POLR3B: variants seen among roughly 807,000 people sequenced by gnomAD.
POLR3B encodes DNA-directed RNA polymerase III subunit RPC2.
POLR3B carries 96 observed loss-of-function variants against 147.4 expected under a neutral mutation model. That is an observed-to-expected ratio of 0.65 (90% CI 0.55 to 0.77). The LOEUF is 0.77. Ranked by LOEUF, POLR3B falls within the 30% of genes least tolerant of loss-of-function variation. The probability of loss-of-function intolerance (pLI) is 0.00; values close to 1 mark genes in which losing one functional copy is unlikely to be tolerated. For synonymous variants in POLR3B, 461 were observed against 485.9 expected, an observed-to-expected ratio of 0.95 and a Z score of 0.67; for missense variants, 1,036 against 1,413.5, an observed-to-expected ratio of 0.73 and a Z score of 4.28.
Position 106,463,485 on chromosome 12 carries a change from G to A in POLR3B, c.2578G>A (p.Gly860Arg), listed in dbSNP as rs1592755590. The A allele has an allele frequency of 1.2e-6, 2 of 1,613,428 alleles. No homozygotes were observed. Among genetic ancestry groups the A allele is most frequent in the East Asian group, 2.2e-5 (1 of 44,842 alleles). ...ACTTTCTCTTAACACCAGCTACAAA[G>A]GAGCAACAGACTCATATATTGAAAA... is the stretch of plus-strand genomic sequence containing the variant. Reference protein sequence around the residue: ...QYKDVPITYKGATDSYIEKVM... With the variant: ...QYKDVPITYKRATDSYIEKVM... Residue 860 changes from glycine (G) to arginine (R), a missense_variant, in exon 23 of 28, where the codon GGA becomes AGA. Physicochemically the swap from Gly to Arg is moderately radical, Grantham distance 125 (BLOSUM62 -2). Transcript: ENST00000228347.
At chr12:106,410,647 T>C (rs573445231) in intron 11 of POLR3B, 179 bp from the exon 12 acceptor site, 8 of 636,164 alleles carry the variant, frequency 1.3e-5, no homozygotes, top group Non-Finnish European at 2.2e-5. Context: ...AGGACAATGA[T>C]GAAAAGTCAT....
chr12:106,379,023 C>T (rs1480094206), intron 8 of POLR3B, among the ~76,000 whole-genome samples: 3 of 152,208 alleles, frequency 2.0e-5, no homozygotes, highest in Non-Finnish European at 4.4e-5. Flanking sequence ...AACTGATTAA[C>T]TCAGAATTTC....
intron 23 of POLR3B, among the ~76,000 whole-genome samples, chr12:106,487,770 A>G (rs1168629901): frequency 6.6e-6 from 1 of 152,216 alleles, no homozygotes. Context: ...AAACAAACAT[A>G]AAGAGGAAGC....
chr12:106,382,309 A>G (rs571196668), intron 9 of POLR3B, among the ~76,000 whole-genome samples: 2 of 152,332 alleles, frequency 1.3e-5, no homozygotes, highest in Admixed American at 1.3e-4. Context: ...TCCATCTTCC[A>G]TAACTTCTTC....
At chr12:106,367,991 ATC>A (rs956979700) in intron 4 of POLR3B, among the ~76,000 whole-genome samples, 4 of 151,900 alleles carry the variant, frequency 2.6e-5, no homozygotes, top group Admixed American at 1.3e-4. Flanking sequence ...CCCCTCACAT[ATC>A]TCTCTATATT....
intron 25 of POLR3B, among the ~76,000 whole-genome samples, chr12:106,497,460 C>T (rs981721154): frequency 6.6e-6 from 1 of 151,894 alleles, no homozygotes; most frequent in African/African-American, 2.4e-5. Flanking sequence ...AGTGAGACCT[C>T]GTCTCAAAAA....
intron 18 of POLR3B, among the ~76,000 whole-genome samples, chr12:106,440,541 C>T (rs777664058): frequency 6.6e-6 from 1 of 152,176 alleles, no homozygotes; most frequent in South Asian, 2.1e-4. Context: ...ACACTCCAGG[C>T]GTGCCTCTGC....
At chr12:106,464,382 A>T (rs1397100477) in intron 23 of POLR3B, among the ~76,000 whole-genome samples, 1 of 152,168 alleles carries the variant, frequency 6.6e-6, no homozygotes, top group East Asian at 1.9e-4. Flanking sequence ...ACAGGTGCTG[A>T]CTCATTTGAT....
At position 106,504,777 on chromosome 12, in the gene POLR3B, C is replaced by T. The variant is rs2038660222; in HGVS notation, c.3272+523C>T. ...CATGGCTAGCTGCTTCACACTTGTA[C>T]TGTAGATTCTGTGAGGGCAGAAACC... On this transcript the variant is annotated intron_variant, in intron 27 of 27. Coordinates refer to ENST00000228347, the MANE Select transcript of POLR3B (RefSeq NM_018082.6). The surrounding 1 kb of genome is among the most constrained non-coding windows in gnomAD (Gnocchi z 4.6). Among the ~76,000 whole-genome samples the T allele has an allele frequency of 6.6e-6, 1 of 152,188 alleles. No individual in the cohort carries two copies. Among genetic ancestry groups the T allele is most frequent in the Admixed American group, 6.5e-5 (1 of 15,278 alleles).
At chr12:106,416,927 T>C (rs952160690) in intron 12 of POLR3B, among the ~76,000 whole-genome samples, 3 of 152,148 alleles carry the variant, frequency 2.0e-5, no homozygotes, top group Non-Finnish European at 4.4e-5. Context: ...CCCTCCCTCA[T>C]ATCCCTTTCA....
intron 10 of POLR3B, among the ~76,000 whole-genome samples, chr12:106,397,080 A>G (rs2036988579): frequency 6.6e-6 from 1 of 151,486 alleles, no homozygotes; most frequent in African/African-American, 2.4e-5. Flanking sequence ...AGCTGACATC[A>G]CACCACTGTA....
intron 7 of POLR3B, among the ~76,000 whole-genome samples, chr12:106,377,773 A>G (rs1162667418): frequency 6.6e-6 from 1 of 152,180 alleles, no homozygotes; most frequent in Non-Finnish European, 1.5e-5. Flanking sequence ...GCTCATTTGT[A>G]TAAAATCACG....
chr12:106,504,054 A>T lies in POLR3B; in HGVS notation c.3099-27A>T, dbSNP rs1362954771. ...TTTGTTTGTTTAACAGAATAATAAC[A>T]CATTTGTCTAATAACTTGTTTCAAA... On this transcript the variant is annotated intron_variant, in intron 26 of 27. Coordinates refer to ENST00000228347, the MANE Select transcript of POLR3B (RefSeq NM_018082.6). This position sits in a 1 kb window ranked among gnomAD's most constrained non-coding sequence, Gnocchi z 4.6. The T allele has an allele frequency of 6.2e-7, 1 of 1,605,668 alleles. No homozygotes were observed. The highest frequency in any genetic ancestry group is 8.5e-7 in the Non-Finnish European group (1 of 1,172,274).
intron 19 of POLR3B, among the ~76,000 whole-genome samples, chr12:106,447,970 G>C (rs1335918930): frequency 6.6e-6 from 1 of 152,134 alleles, no homozygotes; most frequent in Non-Finnish European, 1.5e-5. Context: ...ATAGGCTGGA[G>C]AATTTTGAGA....
chr12:106,385,478 GA>G (rs969353487), intron 9 of POLR3B, among the ~76,000 whole-genome samples: 3 of 151,662 alleles, frequency 2.0e-5, no homozygotes, highest in African/African-American at 7.3e-5. Flanking sequence ...GTCAAAATTA[GA>G]AAAAAAACAA....
chr12:106,368,544 A>T (rs10861581), intron 4 of POLR3B, among the ~76,000 whole-genome samples: 48,988 of 151,616 alleles, frequency 0.32, 10,276 homozygotes, highest in African/African-American at 0.6. Flanking sequence ...TTAAAAAAAA[A>T]TTTTTCAATC....
At chr12:106,411,939 T>C (rs185477292) in intron 12 of POLR3B, among the ~76,000 whole-genome samples, 69 of 152,370 alleles carry the variant, frequency 4.5e-4, no homozygotes, top group African/African-American at 1.6e-3. Flanking sequence ...ATAGCTTCTA[T>C]TTCTCTACAG....
At chr12:106,438,291 A>C (rs1181853559) in intron 18 of POLR3B, among the ~76,000 whole-genome samples, 2 of 152,152 alleles carry the variant, frequency 1.3e-5, no homozygotes, top group Non-Finnish European at 2.9e-5. Flanking sequence ...TACCATAAAG[A>C]AATATACAAT....
In POLR3B at chr12:106,390,085, G is replaced by A. The variant is rs150200637; in HGVS notation, c.724-2946G>A. 1.9e-3 allele frequency among the ~76,000 whole-genome samples: 290 copies of A among 152,180 alleles called. 1 individual carries two copies. Among genetic ancestry groups the A allele is most frequent in the African/African-American group, 6.5e-3 (272 of 41,534 alleles). On this transcript the variant is annotated intron_variant, in intron 9 of 27. Transcript: ENST00000228347. ...TACAAAATATTAGCTGGGCATGGTG[G>A]CAGATGCCTGTAGTCCCAGCTACTT...
Sources: allele counts gnomAD v4.1 joint callset (sites outside exome capture counted in the v4.1 genomes callset), GRCh38; gene constraint gnomAD v4.1.1; non-coding constraint Gnocchi (gnomAD v3.1); transcripts MANE v1.5; gene names NCBI Gene and HGNC (gene_info 2026-07-23, HGNC 2026-07-21).